The following TMEM185A variants were observed in gnomAD, a reference collection of about 807,000 sequenced individuals.
TMEM185A encodes the protein family with sequence similarity 11, member A.
In TMEM185A, 9 loss-of-function variants were observed where a neutral mutation model predicts 25.0. The ratio of observed to expected loss-of-function variants is 0.36; its 90% CI spans 0.22 to 0.63. The LOEUF is 0.63. Ranked by LOEUF, TMEM185A falls within the 20% of genes least tolerant of loss-of-function variation. The pLI is 0.68. For synonymous variants in TMEM185A, 45 were observed against 93.5 expected, an observed-to-expected ratio of 0.48 and a Z score of 2.99; for missense variants, 103 against 237.4, an observed-to-expected ratio of 0.43 and a Z score of 3.72.
At chrX:149,620,729 C>G (rs992800679) in intron 1 of TMEM185A, among the ~76,000 whole-genome samples, 3 of 112,366 alleles carry the variant, frequency 2.7e-5, no homozygotes, top group African/African-American at 9.7e-5. Context: ...CTGTGGGAAA[C>G]AGTCTGATAA....
At chrX:149,610,053 T>C (rs1274863328) in intron 2 of TMEM185A, among the ~76,000 whole-genome samples, 1 of 111,864 alleles carries the variant, frequency 8.9e-6, no homozygotes, top group Non-Finnish European at 1.9e-5. Context: ...TCTGTGTAAC[T>C]GTTTTACAGT....
chrX:149,617,952 T>G (rs781981158), intron 1 of TMEM185A, among the ~76,000 whole-genome samples: 1 of 111,991 alleles, frequency 8.9e-6, no homozygotes, highest in Non-Finnish European at 1.9e-5. Flanking sequence ...TGCTACTTAT[T>G]TGACATTCTG....
intron 1 of TMEM185A, among the ~76,000 whole-genome samples, chrX:149,612,376 T>C (rs1280821018): frequency 8.9e-6 from 1 of 111,948 alleles, no homozygotes; most frequent in Admixed American, 9.5e-5. Context: ...TAAATATAAA[T>C]GGCCAACTGA....
chrX:149,626,363 T>G (rs1332684144), intron 1 of TMEM185A, among the ~76,000 whole-genome samples: 1 of 112,565 alleles, frequency 8.9e-6, no homozygotes, highest in Non-Finnish European at 1.9e-5. Context: ...TTAAAAACAA[T>G]AACCTGTAAA....
chrX:149,599,500 C>T (rs1361823696), intron 6 of TMEM185A, 54 bp downstream of exon 6: 4 of 910,107 alleles, frequency 4.4e-6, no homozygotes, highest in Non-Finnish European at 6.0e-6. Flanking sequence ...ACCCCCCACC[C>T]CCTGGTCCCC....
intron 1 of TMEM185A, among the ~76,000 whole-genome samples, chrX:149,620,321 C>T (rs977558235): frequency 8.9e-6 from 1 of 112,258 alleles, no homozygotes; most frequent in Non-Finnish European, 1.9e-5. Flanking sequence ...GCTTGTAACT[C>T]AGGCACACAC....
intron 2 of TMEM185A, 81 bp from the exon 3 acceptor site, chrX:149,608,915 T>TA: frequency 1.2e-6 from 1 of 847,391 alleles, no homozygotes; most frequent in Non-Finnish European, 1.7e-6. Context: ...AATACCAACT[T>TA]ATATTTATAC....
chrX:149,612,409 A>G (rs2090088668), intron 1 of TMEM185A, among the ~76,000 whole-genome samples: 1 of 112,403 alleles, frequency 8.9e-6, no homozygotes, highest in Non-Finnish European at 1.9e-5. Flanking sequence ...ATCAGATTGG[A>G]TAAGTAAGCA....
At chrX:149,604,211 A>G (rs1407188110) in intron 3 of TMEM185A, 141 bp from the exon 4 acceptor site, 6 of 432,235 alleles carry the variant, frequency 1.4e-5, no homozygotes, top group Non-Finnish European at 2.4e-5. Flanking sequence ...GAAACTCCTG[A>G]TTTTCGGTAC....
intron 1 of TMEM185A, among the ~76,000 whole-genome samples, chrX:149,630,281 C>T (rs1406106370): frequency 9.0e-6 from 1 of 111,303 alleles, no homozygotes; most frequent in African/African-American, 3.3e-5. Context: ...TGTCACCATC[C>T]CTAGGGAGAC....
intron 1 of TMEM185A, among the ~76,000 whole-genome samples, chrX:149,628,479 A>G (rs1557356281): frequency 8.9e-6 from 1 of 112,433 alleles, no homozygotes; most frequent in African/African-American, 3.2e-5. Flanking sequence ...AAAGAAGTTC[A>G]TGATCAACCA....
At position 149,631,712 on chromosome X, in the gene TMEM185A, CCCCGCT is replaced by C. The variant is rs1168931764; in HGVS notation, c.-138_-133del. The C allele has an allele frequency of 4.4e-5, 29 of 665,962 alleles. No individual in the cohort carries two copies. Among genetic ancestry groups the C allele is most frequent in the East Asian group, 2.5e-4 (5 of 19,884 alleles). The allele number at this position is 665,962 out of a possible 1,213,427, so 54.9% of individuals were successfully genotyped here. A position where few individuals can be genotyped will look rare whatever the true frequency, so the allele number is the denominator to read the frequency against. ...CTGCTGCTCCCGCTACTGCTGCCGT[CCCCGCT>C]GCCGTCGCCGTCGCCGTCGCCGCCG... On this transcript the variant is annotated 5_prime_UTR_variant, in exon 1 of 7. Transcript: ENST00000600449.
At position 149,608,819 on chromosome X, in the gene TMEM185A, C is replaced by T. The variant is rs782094414; in HGVS notation, c.231G>A (p.Thr77=). 8.3e-6 allele frequency: 10 copies of T among 1,210,875 alleles called. No homozygotes were observed. In the Admixed American group the frequency reaches 1.7e-4, roughly 21 times the overall value. Residue 77 remains threonine, a synonymous_variant, in exon 3 of 7, where the codon ACG becomes ACA. Coordinates refer to ENST00000600449, the MANE Select transcript of TMEM185A (RefSeq NM_032508.4). ...RNPQYRAEGE[T]CVEFKAMLIA... ...TCAACATGGCTTTAAACTCCACACA[C>T]GTTTCTCCTTCTGCTCTAAAAAAGG... is the stretch of plus-strand genomic sequence containing the variant.
At chrX:149,614,161 T>G in intron 1 of TMEM185A, among the ~76,000 whole-genome samples, 1 of 111,508 alleles carries the variant, frequency 9.0e-6, no homozygotes, top group South Asian at 3.8e-4. Flanking sequence ...TTCACCAAGA[T>G]AGATTGAATT....
At chrX:149,626,632 G>A (rs1169652382) in intron 1 of TMEM185A, among the ~76,000 whole-genome samples, 1 of 112,379 alleles carries the variant, frequency 8.9e-6, no homozygotes, top group Non-Finnish European at 1.9e-5. Context: ...GGGCCCAGGG[G>A]ACCGGCACTC....
intron 2 of TMEM185A, among the ~76,000 whole-genome samples, chrX:149,610,958 AAT>A (rs2090080100): frequency 9.0e-6 from 1 of 111,654 alleles, no homozygotes; most frequent in African/African-American, 3.3e-5. Flanking sequence ...GACCAAACAT[AAT>A]ATGAGTGTCT....
intron 1 of TMEM185A, 131 bp from the exon 2 acceptor site, chrX:149,611,594 G>C: frequency 1.8e-6 from 1 of 563,317 alleles, no homozygotes; most frequent in Non-Finnish European, 2.8e-6. Context: ...TTATTGAAAA[G>C]GTCTATGGGG....
At chrX:149,617,849 GT>G (rs1557355188) in intron 1 of TMEM185A, among the ~76,000 whole-genome samples, 1 of 111,884 alleles carries the variant, frequency 8.9e-6, no homozygotes. Context: ...GCAGTAAAAA[GT>G]AACAAACTAT....
At chrX:149,627,214 C>A (rs1557356138) in intron 1 of TMEM185A, among the ~76,000 whole-genome samples, 1 of 112,581 alleles carries the variant, frequency 8.9e-6, no homozygotes, top group Non-Finnish European at 1.9e-5. Context: ...TGCGGCCTTC[C>A]GCAGTGCACT....
Sources: gnomAD v4.1 joint callset for allele counts (sites outside exome capture counted in the v4.1 genomes callset) on GRCh38, gnomAD v4.1.1 for gene constraint, MANE v1.5 for transcripts, NCBI Gene and HGNC (gene_info 2026-07-23, HGNC 2026-07-21) for gene names.